Variants in ABCG1 observed in about 807,000 individuals in gnomAD.
The protein encoded by ABCG1 is ATP-binding cassette sub-family G member 1.
A neutral mutation model predicts 69.2 loss-of-function variants in ABCG1; 29 were observed. That is an observed-to-expected ratio of 0.42 (90% CI 0.31 to 0.57). ABCG1 has a LOEUF of 0.57. ABCG1 is among the 20% of genes least tolerant of loss of function. The pLI, the probability that ABCG1 is intolerant of heterozygous loss-of-function variation, is 0.15. For missense variants in ABCG1, 718 were observed against 898.1 expected, an observed-to-expected ratio of 0.80 and a Z score of 2.56; for synonymous variants, 370 against 374.8, an observed-to-expected ratio of 0.99 and a Z score of 0.15.
Position 42,290,081 on chromosome 21 carries a change from T to C in ABCG1, c.1256T>C (p.Ile419Thr). The C allele has an allele frequency of 6.2e-7, 1 of 1,614,194 alleles. No individual in the cohort carries two copies. Among genetic ancestry groups the C allele is most frequent in the Non-Finnish European group, 8.5e-7 (1 of 1,180,028 alleles). The change falls in exon 11 of 15, where the codon ATT becomes ACT. Residue 419 changes from isoleucine (I) to threonine (T), a missense_variant. Around this residue, in one of 2 missense-constraint regions of ABCG1, gnomAD observed 514 missense variants for 574.3 expected, o/e 0.90. Coordinates refer to ENST00000398449, the MANE Select transcript of ABCG1 (RefSeq NM_016818.3). ...VLTHLRITSH[I>T]GIGLLIGLLY... ...ACACACCTGCGCATCACCTCGCACATTGGGATCGGCCTCCTCATTGGCCTG... is the reference window on the plus strand; with the variant it reads ...ACACACCTGCGCATCACCTCGCACACTGGGATCGGCCTCCTCATTGGCCTG...
chr21:42,266,726 G>T (rs2068511875), intron 2 of ABCG1, among the ~76,000 whole-genome samples: 1 of 152,164 alleles, frequency 6.6e-6, no homozygotes, highest in Admixed American at 6.5e-5. Context: ...GATTTTCACA[G>T]GCTCATAGAG....
chr21:42,210,655 C>A (rs1465327417), intron 2 of ABCG1, among the ~76,000 whole-genome samples: 2 of 152,180 alleles, frequency 1.3e-5, no homozygotes, highest in African/African-American at 4.8e-5. Flanking sequence ...TGCAGTTTTT[C>A]CCCTGAAACC....
At position 42,291,642 on chromosome 21, in the gene ABCG1, T is replaced by C; in HGVS notation, c.1639T>C (p.Ser547Pro). Residue 547 changes from serine (S) to proline (P), a missense_variant, in exon 13 of 15, where the codon TCC becomes CCC. Ser to Pro is a moderately conservative substitution (Grantham distance 74). Coordinates refer to ENST00000398449, the MANE Select transcript of ABCG1 (RefSeq NM_016818.3). The surrounding 1 kb of genome is among the most constrained non-coding windows in gnomAD (Gnocchi z 6.4). ...CCTGGGCCTGCTGATCGGAGCCGCC[T>C]CCACGTCCCTGCAGGTGCCAGCCCA... is the stretch of plus-strand genomic sequence containing the variant. ...QSLGLLIGAA[S>P]TSLQVATFVG... 1.9e-6 allele frequency: 3 copies of C among 1,603,084 alleles called. No homozygotes were observed. Among genetic ancestry groups the C allele is most frequent in the Non-Finnish European group, 2.5e-6 (3 of 1,179,094 alleles).
chr21:42,284,572 C>T lies in ABCG1; in HGVS notation c.747C>T (p.Ser249=), dbSNP rs373194311. 30 of 1,613,298 alleles carry T rather than the reference C, an allele frequency of 1.9e-5. No homozygotes were observed. Among genetic ancestry groups the T allele is most frequent in the Middle Eastern group, 1.6e-4 (1 of 6,084 alleles). The change falls in exon 7 of 15, where the codon AGC becomes AGT. Residue 249 remains serine (S), a synonymous_variant. Coordinates refer to ENST00000398449, the MANE Select transcript of ABCG1 (RefSeq NM_016818.3). ...FFDEPTSGLD[S]ASCFQVVSLM... is the part of the protein sequence containing the mutation. The stretch of plus-strand genomic sequence containing the variant: ...TCTTGACTTGCAGCGGCCTGGACAG[C>T]GCCTCCTGCTTCCAGGTGGTCTCGC...
chr21:42,217,761 G>A (rs187806997), upstream of ABCG1, among the ~76,000 whole-genome samples: 377 of 136,784 alleles, frequency 2.8e-3, 3 homozygotes, highest in African/African-American at 0.01. Context: ...GCTCAATCTC[G>A]GCTCACTGCA....
In ABCG1 at chr21:42,206,379, TAAATAAACAAAC is replaced by T. The variant is rs1272854576; in HGVS notation, c.48+4660_48+4671del. 1.6e-3 allele frequency among the ~76,000 whole-genome samples: 242 copies of T among 147,360 alleles called. 3 individuals are homozygous for T. The highest frequency in any genetic ancestry group is 0.011 in the South Asian group (50 of 4,686). On this transcript the variant is annotated intron_variant, in intron 2 of 15. Coordinates refer to the ABCG1 transcript ENST00000398457. ...ATAAATAAATAAATAAATAAATAAA[TAAATAAACAAAC>T]AAACAAACAAACACAATCTGTACAA...
At position 42,294,645 on chromosome 21, in the gene ABCG1, A is replaced by G; in HGVS notation, c.1757A>G (p.Tyr586Cys). The change falls in exon 14 of 15, where the codon TAC (tyrosine) becomes TGC (cysteine). Residue 586 changes from tyrosine (Y) to cysteine (C), a missense_variant. Around this residue, in one of 2 missense-constraint regions of ABCG1, gnomAD observed 204 missense variants for 323.8 expected, o/e 0.63. Transcript: ENST00000398449. ...TIPTYLQWMS[Y>C]ISYVRYGFEG... ...CCCACGTACCTACAGTGGATGTCCTACATCTCCTATGTCAGGTAGCGGGCG... is the reference window on the plus strand; with the variant it reads ...CCCACGTACCTACAGTGGATGTCCTGCATCTCCTATGTCAGGTAGCGGGCG... The G allele has an allele frequency of 5.0e-6, 8 of 1,613,982 alleles. No homozygotes were observed. Among genetic ancestry groups the G allele is most frequent in the Non-Finnish European group, 5.1e-6 (6 of 1,179,840 alleles).
At chr21:42,284,804 A>C in intron 7 of ABCG1, 121 bp downstream of exon 7, 2 of 1,304,822 alleles carry the variant, frequency 1.5e-6, no homozygotes, top group Admixed American at 2.1e-5. Flanking sequence ...ATGACACCAA[A>C]CCCTGGGTAC....
Position 42,276,697 on chromosome 21 carries a change from C to T in ABCG1, c.538-198C>T. 1 of 596,118 alleles carries T rather than the reference C, an allele frequency of 1.7e-6. No individual in the cohort carries two copies. The highest frequency in any genetic ancestry group is 2.1e-5 in the African/African-American group (1 of 47,172). 36.9% of individuals were successfully genotyped at this position (596,118 alleles called of 1,614,324 possible). On this transcript the variant is annotated intron_variant, in intron 4 of 14. Coordinates refer to ENST00000398449, the MANE Select transcript of ABCG1 (RefSeq NM_016818.3). The surrounding 1 kb of genome is among the most constrained non-coding windows in gnomAD (Gnocchi z 5.3). ...TGCACTGTGGATAGCTGCACCGTGA[C>T]TAGTGGCACCGTGGCTAGCTGCACC...
Position 42,291,718 on chromosome 21 carries a change from C to A in ABCG1, c.1653+62C>A. ...GCTGGGCTTCCCTGAGCTACCTTGG[C>A]CTGAGCTAGGGGGCTCTGCCACCCC... is the stretch of plus-strand genomic sequence containing the variant. On this transcript the variant is annotated intron_variant, in intron 13 of 14. Transcript: ENST00000398449. The surrounding 1 kb of genome is among the most constrained non-coding windows in gnomAD (Gnocchi z 6.4). The A allele has an allele frequency of 6.6e-7, 1 of 1,507,956 alleles. No individual in the cohort carries two copies. 93.4% of individuals were successfully genotyped at this position (1,507,956 alleles called of 1,614,324 possible).
At chr21:42,204,467 G>A (rs2067528437) in intron 2 of ABCG1, among the ~76,000 whole-genome samples, 1 of 152,158 alleles carries the variant, frequency 6.6e-6, no homozygotes, top group Non-Finnish European at 1.5e-5. Context: ...ATTTTGTCAA[G>A]TGCTTTTTCT....
At chr21:42,244,712 T>G (rs1211608108) in intron 2 of ABCG1, among the ~76,000 whole-genome samples, 2 of 152,232 alleles carry the variant, frequency 1.3e-5, no homozygotes, top group Non-Finnish European at 2.9e-5. Flanking sequence ...GTGTGAAACC[T>G]TCTTGCCACT....
At chr21:42,247,079 C>G (rs573540530) in intron 2 of ABCG1, among the ~76,000 whole-genome samples, 1 of 152,284 alleles carries the variant, frequency 6.6e-6, no homozygotes, top group African/African-American at 2.4e-5. Flanking sequence ...CAATTTCTAG[C>G]TGGTCCTCTT....
intron 2 of ABCG1, among the ~76,000 whole-genome samples, chr21:42,226,774 A>AAACCATGG (rs1346551946): frequency 2.0e-5 from 3 of 152,190 alleles, no homozygotes; most frequent in African/African-American, 7.2e-5. Context: ...CTTCATCAAG[A>AAACCATGG]AACCATGGTC....
chr21:42,213,543 T>C (rs1397102807), upstream of ABCG1, among the ~76,000 whole-genome samples: 1 of 152,162 alleles, frequency 6.6e-6, no homozygotes, highest in Non-Finnish European at 1.5e-5. Flanking sequence ...CCTGAAGACC[T>C]CAGACTAGCA....
intron 2 of ABCG1, among the ~76,000 whole-genome samples, chr21:42,236,483 G>A (rs948931128): frequency 2.6e-5 from 4 of 152,216 alleles, no homozygotes; most frequent in African/African-American, 9.7e-5. Flanking sequence ...CACCCGGCGG[G>A]ACTAGTTCCT....
chr21:42,241,984 A>G (rs1380039831), intron 2 of ABCG1, among the ~76,000 whole-genome samples: 1 of 151,726 alleles, frequency 6.6e-6, no homozygotes, highest in Non-Finnish European at 1.5e-5. Context: ...TCTCAAAAAA[A>G]AAAAAAAAAA....
At chr21:42,270,281 A>T (rs1400832148) in intron 2 of ABCG1, among the ~76,000 whole-genome samples, 1 of 146,642 alleles carries the variant, frequency 6.8e-6, no homozygotes, top group Non-Finnish European at 1.5e-5. Context: ...AAAAAAAAAA[A>T]GTGCCCCTGG....
upstream of ABCG1, among the ~76,000 whole-genome samples, chr21:42,217,312 A>G (rs1423952292): frequency 6.6e-6 from 1 of 152,138 alleles, no homozygotes; most frequent in South Asian, 2.1e-4. Flanking sequence ...GACAGAAATT[A>G]TGTCATTGCA....
Sources: allele counts gnomAD v4.1 joint callset (sites outside exome capture counted in the v4.1 genomes callset), GRCh38; gene constraint gnomAD v4.1.1; regional missense constraint gnomAD v4.1.1; non-coding constraint Gnocchi (gnomAD v3.1); transcripts MANE v1.5; gene names NCBI Gene and HGNC (gene_info 2026-07-23, HGNC 2026-07-21).